Variants in ACTR3C observed in about 807,000 individuals in gnomAD.
ACTR3C encodes actin-related protein 3C.
In ACTR3C, 18 loss-of-function variants were observed where a neutral mutation model predicts 26.3. That is an observed-to-expected ratio of 0.68 (90% confidence interval 0.47 to 1.01). ACTR3C has a LOEUF of 1.01. Among genes scored for constraint, ACTR3C ranks in the 50% least tolerant of loss-of-function variants. The pLI is 0.00. For missense variants in ACTR3C, 184 were observed against 250.7 expected (o/e 0.73, Z 1.80); for synonymous variants, 55 against 94.5 (o/e 0.58, Z 2.42).
chr7:150,270,634 G>A (rs1359070588), intron 6 of ACTR3C, among the ~76,000 whole-genome samples: 1 of 152,098 alleles, frequency 6.6e-6, no homozygotes. Flanking sequence ...TGCAGCCCAT[G>A]TGCTCAGCAC....
chr7:150,175,465 C>T, the ACTR3C span, among the ~76,000 whole-genome samples: 2 of 148,532 alleles, frequency 1.3e-5, no homozygotes, highest in South Asian at 4.2e-4. Flanking sequence ...TATTATAGGA[C>T]TAAGTAGGCT....
the ACTR3C span, among the ~76,000 whole-genome samples, chr7:149,975,413 A>T: frequency 6.6e-6 from 1 of 152,136 alleles, no homozygotes; most frequent in African/African-American, 2.4e-5. Context: ...GAGTAATTGG[A>T]AGGAAAATTA....
At chr7:150,139,244 A>G in the ACTR3C span, among the ~76,000 whole-genome samples, 1 of 152,272 alleles carries the variant, frequency 6.6e-6, no homozygotes. Context: ...CACAGACAGC[A>G]GCGAGGGAAG....
At chr7:149,998,891 C>A in the ACTR3C span, among the ~76,000 whole-genome samples, 1 of 150,584 alleles carries the variant, frequency 6.6e-6, no homozygotes, top group African/African-American at 2.4e-5. Flanking sequence ...CTCCACCAAC[C>A]TCCCTCCCAC....
the ACTR3C span, among the ~76,000 whole-genome samples, chr7:150,118,901 A>G: frequency 6.7e-6 from 1 of 148,764 alleles, no homozygotes; most frequent in Non-Finnish European, 1.5e-5. Flanking sequence ...CAGAAACCCT[A>G]CAAGCCAGAA....
At chr7:149,960,954 G>T in the ACTR3C span, among the ~76,000 whole-genome samples, 7 of 151,842 alleles carry the variant, frequency 4.6e-5, no homozygotes, top group African/African-American at 1.5e-4. Flanking sequence ...AGGAAGTGTG[G>T]GCTCACAGGA....
At chr7:150,010,577 C>G in the ACTR3C span, among the ~76,000 whole-genome samples, 1 of 151,928 alleles carries the variant, frequency 6.6e-6, no homozygotes, top group African/African-American at 2.4e-5. Context: ...CCCTGTAATG[C>G]CAGCTACTCA....
chr7:150,039,542 C>G, the ACTR3C span, among the ~76,000 whole-genome samples: 31 of 45,552 alleles, frequency 6.8e-4, no homozygotes, highest in South Asian at 1.4e-3. Context: ...ATGGGGGTCC[C>G]CAGAGCCAGG....
chr7:150,315,003 T>G (rs1439825329), intron 1 of ACTR3C, among the ~76,000 whole-genome samples: 1 of 147,182 alleles, frequency 6.8e-6, no homozygotes, highest in Non-Finnish European at 1.5e-5. Context: ...TTATTAAATA[T>G]TATTAAATAA....
At chr7:150,286,605 A>G in intron 4 of ACTR3C, 65 bp from the exon 5 acceptor site, 1 of 1,581,408 alleles carries the variant, frequency 6.3e-7, no homozygotes, top group Non-Finnish European at 8.6e-7. Flanking sequence ...CCCTCAGACA[A>G]ATAACCAGGA....
At chr7:150,232,787 C>T in the ACTR3C span, among the ~76,000 whole-genome samples, 1 of 149,956 alleles carries the variant, frequency 6.7e-6, no homozygotes, top group Admixed American at 6.6e-5. Context: ...CATATCACTG[C>T]ACTCCAGCCT....
chr7:150,019,886 C>T, the ACTR3C span, among the ~76,000 whole-genome samples: 1 of 151,982 alleles, frequency 6.6e-6, no homozygotes, highest in Non-Finnish European at 1.5e-5. Flanking sequence ...TACTTCAGTA[C>T]ATAATGATAC....
chr7:150,059,472 G>A, the ACTR3C span, among the ~76,000 whole-genome samples: 1 of 152,156 alleles, frequency 6.6e-6, no homozygotes, highest in South Asian at 2.1e-4. Context: ...AGGCAAATGT[G>A]TGTCAATGCT....
the ACTR3C span, among the ~76,000 whole-genome samples, chr7:150,217,251 A>G: frequency 2.0e-5 from 3 of 151,522 alleles, no homozygotes; most frequent in African/African-American, 7.3e-5. Context: ...CTGGTACCTT[A>G]GGATCCCAAA....
At chr7:150,213,986 G>A in the ACTR3C span, among the ~76,000 whole-genome samples, 1 of 145,822 alleles carries the variant, frequency 6.9e-6, no homozygotes, top group Non-Finnish European at 1.5e-5. Context: ...AAACTAGGCA[G>A]CCTCCAAATC....
intron 3 of ACTR3C, among the ~76,000 whole-genome samples, chr7:150,291,063 C>A (rs1214308849): frequency 3.3e-5 from 5 of 152,162 alleles, no homozygotes; most frequent in African/African-American, 9.7e-5. Context: ...CAATCCCAAA[C>A]CAGACATGAG....
At chr7:150,209,224 G>C in the ACTR3C span, among the ~76,000 whole-genome samples, 2 of 148,210 alleles carry the variant, frequency 1.3e-5, no homozygotes, top group Non-Finnish European at 2.9e-5. Flanking sequence ...GAGAGAGAGA[G>C]AGAGATACAG....
chr7:150,079,350 C>T, the ACTR3C span, among the ~76,000 whole-genome samples: 46 of 152,294 alleles, frequency 3.0e-4, 1 homozygote, highest in East Asian at 8.3e-3. Context: ...ACTTCCTGTC[C>T]TCGTCCACTA....
chr7:150,296,506 G>T (rs1296007524), intron 1 of ACTR3C, among the ~76,000 whole-genome samples: 3 of 151,436 alleles, frequency 2.0e-5, no homozygotes, highest in Non-Finnish European at 4.4e-5. Flanking sequence ...AACAGAAAAA[G>T]AATAAATAAA....
Sources: allele counts gnomAD v4.1 joint callset (sites outside exome capture counted in the v4.1 genomes callset), GRCh38; gene constraint gnomAD v4.1.1; transcripts MANE v1.5; gene names NCBI Gene and HGNC (gene_info 2026-07-23, HGNC 2026-07-21).